The following NOL4 variants were observed in gnomAD, a reference collection of about 807,000 sequenced individuals.
NOL4 encodes the protein cancer/testis antigen 125.
In NOL4, 17 loss-of-function variants were observed where a neutral mutation model predicts 75.9. The ratio of observed to expected loss-of-function variants is 0.22; its 90% CI spans 0.15 to 0.34. The LOEUF is 0.34. Ranked by LOEUF, NOL4 falls within the 10% of genes least tolerant of loss-of-function variation. The pLI is 1.00. For missense variants in NOL4, 614 were observed against 793.5 expected (o/e 0.77, Z 2.72); for synonymous variants, 292 against 289.9 (o/e 1.01, Z -0.07).
intron 6 of NOL4, among the ~76,000 whole-genome samples, chr18:33,962,012 C>T (rs1416087129): frequency 5.9e-5 from 9 of 152,090 alleles, no homozygotes; most frequent in Admixed American, 5.9e-4. Flanking sequence ...CCTCGCTCTA[C>T]CAGGTAAAAT....
intron 1 of NOL4, among the ~76,000 whole-genome samples, chr18:34,133,497 A>G (rs2080755240): frequency 6.6e-6 from 1 of 151,926 alleles, no homozygotes; most frequent in Admixed American, 6.6e-5. Flanking sequence ...AATGTAATAT[A>G]TTAATGTTAA....
intron 1 of NOL4, among the ~76,000 whole-genome samples, chr18:34,138,582 C>T (rs1228923328): frequency 3.3e-5 from 5 of 152,180 alleles, no homozygotes; most frequent in South Asian, 4.1e-4. Context: ...TTGAATTATA[C>T]ACTTTATATG....
intron 5 of NOL4, among the ~76,000 whole-genome samples, chr18:34,049,645 C>T (rs945478922): frequency 2.0e-5 from 3 of 152,050 alleles, no homozygotes; most frequent in Non-Finnish European, 4.4e-5. Flanking sequence ...CTCTTTACTC[C>T]TTAATTTCCC....
chr18:33,907,614 A>ACCGTTAG (rs1264949292), intron 9 of NOL4, among the ~76,000 whole-genome samples: 3 of 152,148 alleles, frequency 2.0e-5, no homozygotes, highest in Admixed American at 6.6e-5. Context: ...ATAGGAGTTA[A>ACCGTTAG]CCGTTAGCTA....
intron 10 of NOL4, among the ~76,000 whole-genome samples, chr18:33,861,211 A>G (rs1270184430): frequency 6.6e-6 from 1 of 152,146 alleles, no homozygotes; most frequent in African/African-American, 2.4e-5. Flanking sequence ...AAGGAATGGT[A>G]CCAGTTCCTC....
chr18:34,024,739 G>A (rs529012554), intron 5 of NOL4, among the ~76,000 whole-genome samples: 114 of 152,200 alleles, frequency 7.5e-4, no homozygotes, highest in Non-Finnish European at 1.4e-3. Context: ...AATATACATA[G>A]TATATTTCGA....
chr18:34,058,985 T>A (rs1470685315), intron 5 of NOL4, among the ~76,000 whole-genome samples: 1 of 151,832 alleles, frequency 6.6e-6, no homozygotes, highest in Non-Finnish European at 1.5e-5. Context: ...CTCTGGACTC[T>A]GCACAAAGGG....
At chr18:33,917,320 C>A (rs2066781515) in intron 9 of NOL4, among the ~76,000 whole-genome samples, 1 of 151,952 alleles carries the variant, frequency 6.6e-6, no homozygotes, top group Non-Finnish European at 1.5e-5. Context: ...CTCCTTTTAT[C>A]CTGCTGTGTT....
In NOL4 at chr18:34,223,731, C is replaced by T. The variant is rs2037469382; in HGVS notation, c.-478G>A. 6.6e-6 allele frequency among the ~76,000 whole-genome samples: 1 copy of T among 152,180 alleles called. No homozygotes were observed. The highest frequency in any genetic ancestry group is 2.1e-4 in the South Asian group (1 of 4,834). On this transcript the variant is annotated 5_prime_UTR_variant, in exon 1 of 11. Transcript: ENST00000261592. ...CCCGCGCGCGCCCCAGAAGCTTCCC[C>T]AGCCACTGGCCCCGTGGTCCAGGAG...
intron 2 of NOL4, among the ~76,000 whole-genome samples, chr18:34,123,249 G>A (rs1046736270): frequency 6.6e-6 from 1 of 151,470 alleles, no homozygotes; most frequent in African/African-American, 2.4e-5. Context: ...TTAATGAATG[G>A]CAGTAAGCTA....
chr18:33,955,390 T>G (rs921621648), intron 8 of NOL4, among the ~76,000 whole-genome samples: 1 of 152,106 alleles, frequency 6.6e-6, no homozygotes, highest in Non-Finnish European at 1.5e-5. Context: ...ATCGAAAAGT[T>G]AAATCCTCTA....
At chr18:33,899,285 C>G (rs546864041) in intron 9 of NOL4, among the ~76,000 whole-genome samples, 51 of 152,180 alleles carry the variant, frequency 3.4e-4, no homozygotes, top group African/African-American at 1.2e-3. Context: ...TTCTTTTCAC[C>G]CTGATCTTAA....
At chr18:33,956,105 G>T (rs778138164) in intron 8 of NOL4, among the ~76,000 whole-genome samples, 2 of 152,054 alleles carry the variant, frequency 1.3e-5, no homozygotes, top group Non-Finnish European at 2.9e-5. Flanking sequence ...ATAAAGCTGT[G>T]CTTTTTATGG....
chr18:34,025,204 C>T (rs1471009271), intron 5 of NOL4, among the ~76,000 whole-genome samples: 1 of 152,016 alleles, frequency 6.6e-6, no homozygotes, highest in Non-Finnish European at 1.5e-5. Context: ...CAGAATGGTC[C>T]CATTTTTTAA....
intron 9 of NOL4, among the ~76,000 whole-genome samples, chr18:33,883,736 T>C (rs993884981): frequency 6.6e-6 from 1 of 151,904 alleles, no homozygotes. Flanking sequence ...GATAAATGAA[T>C]AAAGAAAATA....
At chr18:34,084,021 A>C (rs1049033188) in intron 5 of NOL4, among the ~76,000 whole-genome samples, 2 of 152,174 alleles carry the variant, frequency 1.3e-5, no homozygotes, top group Non-Finnish European at 2.9e-5. Flanking sequence ...AGAGCAGCAA[A>C]GATGGCAGCC....
chr18:33,877,972 G>C (rs914691617), intron 10 of NOL4, among the ~76,000 whole-genome samples: 1 of 151,924 alleles, frequency 6.6e-6, no homozygotes, highest in Non-Finnish European at 1.5e-5. Context: ...GGAGAGAGTG[G>C]GGGAGAAGCA....
chr18:33,942,665 A>G (rs907107819), intron 9 of NOL4, among the ~76,000 whole-genome samples: 4 of 151,876 alleles, frequency 2.6e-5, no homozygotes, highest in African/African-American at 7.2e-5. Flanking sequence ...GGCATGCGGT[A>G]GTAGGCCAGA....
At chr18:33,868,263 C>T (rs1316034037) in intron 10 of NOL4, among the ~76,000 whole-genome samples, 1 of 151,040 alleles carries the variant, frequency 6.6e-6, no homozygotes, top group Non-Finnish European at 1.5e-5. Context: ...AGGCTGGTCT[C>T]GAACATCTGG....
Sources: gnomAD v4.1 joint callset for allele counts (sites outside exome capture counted in the v4.1 genomes callset) on GRCh38, gnomAD v4.1.1 for gene constraint, MANE v1.5 for transcripts, NCBI Gene and HGNC (gene_info 2026-07-23, HGNC 2026-07-21) for gene names.